SLC1A1: variants seen among roughly 807,000 people sequenced by gnomAD.
SLC1A1 encodes excitatory amino acid transporter 3.
SLC1A1 carries 43 observed loss-of-function variants against 53.3 expected under a neutral mutation model. The observed-to-expected ratio is 0.81, with a 90% CI of 0.63 to 1.04. The LOEUF is 1.04. Ranked by LOEUF, SLC1A1 falls within the 50% of genes least tolerant of loss-of-function variation. The probability of loss-of-function intolerance (pLI) is 0.00; values close to 1 mark genes in which losing one functional copy is unlikely to be tolerated. For missense variants in SLC1A1, 748 were observed against 664.9 expected, an observed-to-expected ratio of 1.12 and a Z score of -1.37; for synonymous variants, 307 against 243.2, an observed-to-expected ratio of 1.26 and a Z score of -2.44.
chr9:4,491,590 G>A (rs1820238171), intron 1 of SLC1A1, among the ~76,000 whole-genome samples: 1 of 152,226 alleles, frequency 6.6e-6, no homozygotes, highest in Non-Finnish European at 1.5e-5. Flanking sequence ...CTGAGCCATT[G>A]CTCAGAGGTA....
chr9:4,567,582 A>C, intron 5 of SLC1A1, 87 bp from the exon 6 acceptor site: 1 of 859,404 alleles, frequency 1.2e-6, no homozygotes. Flanking sequence ...TGTTTGGCCA[A>C]AATAACATGT....
intron 9 of SLC1A1, 38 bp downstream of exon 9, chr9:4,576,161 C>T (rs1820523938): frequency 1.2e-6 from 2 of 1,602,496 alleles, no homozygotes; most frequent in Admixed American, 1.7e-5. Context: ...AGCCTCCAGG[C>T]TCAACGTTAT....
At chr9:4,533,985 G>A (rs1372938655) in intron 1 of SLC1A1, among the ~76,000 whole-genome samples, 3 of 152,144 alleles carry the variant, frequency 2.0e-5, no homozygotes, top group Admixed American at 2.0e-4. Flanking sequence ...AATGAAGGCA[G>A]AAATAAAGAT....
Position 4,505,078 on chromosome 9 carries a change from A to G in SLC1A1, c.91+14308A>G, listed in dbSNP as rs561433140. Among the ~76,000 whole-genome samples, 1,045 of 119,474 alleles carry G rather than the reference A, an allele frequency of 8.7e-3. 14 individuals are homozygous for G. Among genetic ancestry groups the G allele is most frequent in the African/African-American group, 0.032 (989 of 31,048 alleles). The allele number at this position is 119,474 out of a possible 152,430, so 78.4% of individuals were successfully genotyped here. On this transcript the variant is annotated intron_variant, in intron 1 of 11. Transcript: ENST00000262352. ...TTTTTTTTTTTTGAGATACAGCCTC[A>G]CTATGTCGCCCAGGCTGGAGTGCAG...
chr9:4,517,505 G>T (rs1309515466), intron 1 of SLC1A1, among the ~76,000 whole-genome samples: 1 of 152,146 alleles, frequency 6.6e-6, no homozygotes, highest in Non-Finnish European at 1.5e-5. Flanking sequence ...ACCACGGGAG[G>T]CTTCTTGTGT....
chr9:4,518,274 C>CT lies in SLC1A1; in HGVS notation c.92-26284dup, dbSNP rs1402095775. 7.9e-3 allele frequency among the ~76,000 whole-genome samples: 1,064 copies of CT among 134,514 alleles called. 16 individuals are homozygous for CT. Among genetic ancestry groups the CT allele is most frequent in the African/African-American group, 0.026 (972 of 37,720 alleles). The allele number at this position is 134,514 out of a possible 152,430, so 88.2% of individuals were successfully genotyped here. On this transcript the variant is annotated intron_variant, in intron 1 of 11. Transcript: ENST00000262352. ...AAAAAAAAAAAGAATGAAGTCCTTA[C>CT]TTTTTTTTTGATTTTAGGACAGATG...
Position 4,585,411 on chromosome 9 carries a change from A to T in SLC1A1, c.1428A>T (p.Ser476=). The change falls in exon 12 of 12, where the codon TCA becomes TCT. Residue 476 remains serine (S), a synonymous_variant. Coordinates refer to ENST00000262352, the MANE Select transcript of SLC1A1 (RefSeq NM_004170.6). The stretch of plus-strand genomic sequence containing the variant: ...AGGAGCTGGAGCAGATGGATGTTTC[A>T]TCTGAAGTCAACATTGTGAATCCCT... ...SKKELEQMDV[S]SEVNIVNPFA... is the part of the protein sequence containing the mutation. The T allele has an allele frequency of 6.2e-7, 1 of 1,614,236 alleles. No individual in the cohort carries two copies. The highest frequency in any genetic ancestry group is 1.1e-5 in the South Asian group (1 of 91,086).
chr9:4,555,128 G>C (rs944087495), intron 2 of SLC1A1, among the ~76,000 whole-genome samples: 1 of 152,228 alleles, frequency 6.6e-6, no homozygotes, highest in Non-Finnish European at 1.5e-5. Flanking sequence ...TTTGAGCCCA[G>C]TCTGTCCCAC....
At chr9:4,573,477 C>T (rs1292364235) in intron 7 of SLC1A1, among the ~76,000 whole-genome samples, 1 of 152,140 alleles carries the variant, frequency 6.6e-6, no homozygotes, top group Non-Finnish European at 1.5e-5. Context: ...TGATCACTTC[C>T]AGTACTAATA....
chr9:4,557,731 C>T (rs535085048), intron 2 of SLC1A1, among the ~76,000 whole-genome samples: 1 of 152,330 alleles, frequency 6.6e-6, no homozygotes, highest in East Asian at 1.9e-4. Context: ...GTGGCTACTG[C>T]AGGGGACAGC....
At chr9:4,579,993 G>A (rs1820906645) in intron 10 of SLC1A1, among the ~76,000 whole-genome samples, 1 of 152,094 alleles carries the variant, frequency 6.6e-6, no homozygotes, top group African/African-American at 2.4e-5. Flanking sequence ...GACCTAAGTG[G>A]GTGAATCACT....
chr9:4,529,630 G>T (rs1816392094), intron 1 of SLC1A1, among the ~76,000 whole-genome samples: 1 of 152,146 alleles, frequency 6.6e-6, no homozygotes, highest in African/African-American at 2.4e-5. Flanking sequence ...TAAGTGTAAG[G>T]AGGAATGAAG....
chr9:4,546,874 C>T (rs553222158), intron 2 of SLC1A1, among the ~76,000 whole-genome samples: 8 of 152,284 alleles, frequency 5.3e-5, no homozygotes, highest in African/African-American at 1.9e-4. Flanking sequence ...AAAATCTTCA[C>T]AATTGTACAT....
chr9:4,507,159 G>A (rs879414294), intron 1 of SLC1A1, among the ~76,000 whole-genome samples: 12 of 152,122 alleles, frequency 7.9e-5, no homozygotes, highest in South Asian at 4.1e-4. Context: ...GCGTGAACCC[G>A]GGAGGTGGAC....
At chr9:4,544,237 A>G (rs1481461115) in intron 1 of SLC1A1, among the ~76,000 whole-genome samples, 1 of 152,186 alleles carries the variant, frequency 6.6e-6, no homozygotes, top group East Asian at 1.9e-4. Flanking sequence ...GTGTGAATGC[A>G]AAAGAGTTAT....
At position 4,549,434 on chromosome 9, in the gene SLC1A1, C is replaced by T. The variant is rs1377044358; in HGVS notation, c.232+4727C>T. On this transcript the variant is annotated intron_variant, in intron 2 of 11. Transcript: ENST00000262352. The surrounding 1 kb of genome is among the most constrained non-coding windows in gnomAD (Gnocchi z 4.1). ...AGGACATAATCTTTGCTAAAGGTAA[C>T]CAAAAGCAGATGAAACACCAATGGT... Among the ~76,000 whole-genome samples the T allele has an allele frequency of 6.6e-6, 1 of 152,166 alleles. No homozygotes were observed. Among genetic ancestry groups the T allele is most frequent in the Admixed American group, 6.5e-5 (1 of 15,274 alleles).
chr9:4,495,931 G>A (rs1586684783), intron 1 of SLC1A1, among the ~76,000 whole-genome samples: 1 of 152,162 alleles, frequency 6.6e-6, no homozygotes, highest in Non-Finnish European at 1.5e-5. Context: ...CGGTGGACGT[G>A]TTGAGTTTGA....
At chr9:4,522,559 G>T (rs1816116748) in intron 1 of SLC1A1, among the ~76,000 whole-genome samples, 1 of 152,008 alleles carries the variant, frequency 6.6e-6, no homozygotes, top group Admixed American at 6.6e-5. Context: ...AGCCTGTTCT[G>T]ACAAGGCTAT....
At chr9:4,559,397 A>C (rs1020278323) in intron 2 of SLC1A1, among the ~76,000 whole-genome samples, 5 of 152,182 alleles carry the variant, frequency 3.3e-5, no homozygotes, top group African/African-American at 1.2e-4. Flanking sequence ...ATTAACTTCC[A>C]AAGGAGCAAT....
Sources: allele counts gnomAD v4.1 joint callset (sites outside exome capture counted in the v4.1 genomes callset), GRCh38; gene constraint gnomAD v4.1.1; non-coding constraint Gnocchi (gnomAD v3.1); transcripts MANE v1.5; gene names NCBI Gene and HGNC (gene_info 2026-07-23, HGNC 2026-07-21).